HSD17B2: variants seen among roughly 807,000 people sequenced by gnomAD.
The protein encoded by HSD17B2 is hydroxysteroid 17-beta dehydrogenase 2.
Under a neutral mutation model 26.9 loss-of-function variants are expected in HSD17B2, and 32 were observed. The ratio of observed to expected loss-of-function variants is 1.19; its 90% CI spans 0.90 to 1.60. The LOEUF is 1.60. Among genes scored for constraint, HSD17B2 ranks in the 40% most tolerant of loss-of-function variants. The pLI is 0.00. For missense variants in HSD17B2, 613 were observed against 468.6 expected (o/e 1.31, Z -2.85); for synonymous variants, 246 against 186.7 (o/e 1.32, Z -2.59).
At position 82,057,790 on chromosome 16, in the gene HSD17B2, G is replaced by A. The variant is rs1040518030; in HGVS notation, c.266-10380G>A. Among the ~76,000 whole-genome samples the A allele has an allele frequency of 4.6e-5, 7 of 152,188 alleles. No homozygotes were observed. In the South Asian group the frequency reaches 1.0e-3, roughly 23 times the overall value. ...ATCAGACAAATTCAAATAGAGAGGCGTTCTACAAAATCCCTGATGAGCACT... is the reference window on the plus strand; with the variant it reads ...ATCAGACAAATTCAAATAGAGAGGCATTCTACAAAATCCCTGATGAGCACT... On this transcript the variant is annotated intron_variant, in intron 1 of 4. Transcript: ENST00000199936.
chr16:82,081,338 A>G (rs116268205), intron 3 of HSD17B2, among the ~76,000 whole-genome samples: 3 of 151,820 alleles, frequency 2.0e-5, no homozygotes, highest in African/African-American at 4.8e-5. Context: ...CTCCTCTTCA[A>G]CCTTTCCTCC....
intron 4 of HSD17B2, chr16:82,093,025 T>C (rs892706910): frequency 1.3e-5 from 2 of 152,210 alleles, no homozygotes; most frequent in Admixed American, 1.3e-4. Context: ...TCTGGAGAGC[T>C]GTTCTCACCC....
At chr16:82,068,441 C>A (rs929017235) in intron 2 of HSD17B2, 59 bp downstream of exon 2, 2 of 1,420,234 alleles carry the variant, frequency 1.4e-6, no homozygotes, top group African/African-American at 1.4e-5. Flanking sequence ...AGCTCTTGTT[C>A]CGGCTTAGGC....
intron 3 of HSD17B2, among the ~76,000 whole-genome samples, chr16:82,089,395 C>A (rs1248652751): frequency 6.6e-6 from 1 of 152,144 alleles, no homozygotes; most frequent in Non-Finnish European, 1.5e-5. Flanking sequence ...CTTGGGAAAT[C>A]TTTGCCAAGC....
intron 1 of HSD17B2, among the ~76,000 whole-genome samples, chr16:82,047,399 C>A (rs551230048): frequency 6.6e-6 from 1 of 152,326 alleles, no homozygotes; most frequent in African/African-American, 2.4e-5. Context: ...GGATTAGAAT[C>A]CATTCATTCG....
chr16:82,075,927 AAAG>A (rs1417545005), intron 3 of HSD17B2, among the ~76,000 whole-genome samples: 1 of 151,368 alleles, frequency 6.6e-6, no homozygotes, highest in Non-Finnish European at 1.5e-5. Flanking sequence ...AAAAAAAAGA[AAAG>A]AAAACTACAG....
rs7189128 is a variant in HSD17B2 at position 82,086,429 on chromosome 16, C to T, written c.665-4473C>T. Reference sequence around the variant, plus strand: ...AAGCTTCAGAATGGTAACTTCAAGTCCCTTATTTTTAGCCTACTGTCAACA... The same window carrying T: ...AAGCTTCAGAATGGTAACTTCAAGTTCCTTATTTTTAGCCTACTGTCAACA... On this transcript the variant is annotated intron_variant, in intron 3 of 4. Coordinates refer to ENST00000199936, the MANE Select transcript of HSD17B2 (RefSeq NM_002153.3). 4.9e-3 allele frequency among the ~76,000 whole-genome samples: 745 copies of T among 152,206 alleles called. 10 individuals are homozygous for T. Among genetic ancestry groups the T allele is most frequent in the African/African-American group, 0.017 (709 of 41,518 alleles).
At chr16:82,068,095 T>C in intron 1 of HSD17B2, 75 bp from the exon 2 acceptor site, 1 of 1,253,596 alleles carries the variant, frequency 8.0e-7, no homozygotes, top group South Asian at 1.2e-5. Context: ...AACAACGTAA[T>C]ATGTTTTCCT....
At chr16:82,064,494 T>C (rs1332349135) in intron 1 of HSD17B2, among the ~76,000 whole-genome samples, 2 of 152,218 alleles carry the variant, frequency 1.3e-5, no homozygotes, top group African/African-American at 2.4e-5. Context: ...TGTGTAAATA[T>C]ATATTTTCAT....
intron 3 of HSD17B2, among the ~76,000 whole-genome samples, chr16:82,081,712 A>G (rs1904385412): frequency 6.6e-6 from 1 of 152,230 alleles, no homozygotes; most frequent in Admixed American, 6.5e-5. Flanking sequence ...ATGAGTTATT[A>G]CTATTTTTAT....
intron 1 of HSD17B2, chr16:82,056,534 T>C (rs989361281): frequency 1.3e-5 from 2 of 152,256 alleles, no homozygotes; most frequent in Non-Finnish European, 2.9e-5. Context: ...TCTATGCTGT[T>C]GTAAGTCAGG....
At chr16:82,046,934 G>A (rs934176641) in intron 1 of HSD17B2, among the ~76,000 whole-genome samples, 14 of 152,202 alleles carry the variant, frequency 9.2e-5, no homozygotes, top group African/African-American at 3.1e-4. Flanking sequence ...TATAAGCAGT[G>A]CAAAAAGGTA....
chr16:82,068,687 A>G (rs1160464407), intron 2 of HSD17B2, among the ~76,000 whole-genome samples: 2 of 152,182 alleles, frequency 1.3e-5, no homozygotes, highest in Non-Finnish European at 2.9e-5. Context: ...CGCAATAGCA[A>G]CATGCATTAG....
At chr16:82,054,440 G>A (rs190938372) in intron 1 of HSD17B2, among the ~76,000 whole-genome samples, 33 of 152,130 alleles carry the variant, frequency 2.2e-4, no homozygotes, top group Admixed American at 1.6e-3. Flanking sequence ...CACCTCCCAG[G>A]TTCAAGCAAT....
At chr16:82,053,896 T>C (rs1408376193) in intron 1 of HSD17B2, among the ~76,000 whole-genome samples, 1 of 152,198 alleles carries the variant, frequency 6.6e-6, no homozygotes, top group African/African-American at 2.4e-5. Context: ...TAACCATAGA[T>C]AGAAGTTCAT....
At chr16:82,054,207 C>T (rs76217268) in intron 1 of HSD17B2, among the ~76,000 whole-genome samples, 2 of 124,268 alleles carry the variant, frequency 1.6e-5, no homozygotes, top group Non-Finnish European at 3.2e-5. Flanking sequence ...ACCCACATAT[C>T]GAAAAAAAAA....
At chr16:82,077,325 A>ACC (rs1318327522) in intron 3 of HSD17B2, among the ~76,000 whole-genome samples, 1 of 152,206 alleles carries the variant, frequency 6.6e-6, no homozygotes, top group African/African-American at 2.4e-5. Context: ...AGACATATAG[A>ACC]CCAACAGAAC....
At chr16:82,050,126 C>A (rs1398729339) in intron 1 of HSD17B2, among the ~76,000 whole-genome samples, 5 of 152,224 alleles carry the variant, frequency 3.3e-5, no homozygotes, top group African/African-American at 7.2e-5. Context: ...CTTGTATAAA[C>A]AATTTCTCTC....
rs777171964 is a variant in HSD17B2 at position 82,071,069 on chromosome 16, G to A, written c.606G>A (p.Thr202=). 1.3e-5 allele frequency: 21 copies of A among 1,614,056 alleles called. No homozygotes were observed. The highest frequency in any genetic ancestry group is 1.4e-5 in the Non-Finnish European group (17 of 1,180,032). The change falls in exon 3 of 5, where the codon ACG becomes ACA. Residue 202 remains threonine (T), a synonymous_variant. Coordinates refer to ENST00000199936, the MANE Select transcript of HSD17B2 (RefSeq NM_002153.3). ...NFFGTVEVTK[T]FLPLLRKSKG... is the part of the protein sequence containing the mutation. ...TTGGAACTGTGGAGGTCACAAAGACGTTTTTGCCTCTTCTTAGAAAATCCA... is the reference window on the plus strand; with the variant it reads ...TTGGAACTGTGGAGGTCACAAAGACATTTTTGCCTCTTCTTAGAAAATCCA...
Sources: gnomAD v4.1 joint callset for allele counts (sites outside exome capture counted in the v4.1 genomes callset) on GRCh38, gnomAD v4.1.1 for gene constraint, MANE v1.5 for transcripts, NCBI Gene and HGNC (gene_info 2026-07-23, HGNC 2026-07-21) for gene names.